The following APPL1 variants were observed in gnomAD, a reference collection of about 807,000 sequenced individuals.
APPL1 encodes the protein DCC-interacting protein 13-alpha.
Under a neutral mutation model 106.8 loss-of-function variants are expected in APPL1, and 42 were observed. The ratio of observed to expected loss-of-function variants is 0.39; its 90% CI spans 0.31 to 0.51. APPL1 has a LOEUF of 0.51. APPL1 is among the 20% of genes least tolerant of loss of function. The pLI is 0.75. For missense variants in APPL1, 769 were observed against 858.2 expected, an observed-to-expected ratio of 0.90 and a Z score of 1.30; for synonymous variants, 263 against 281.8, an observed-to-expected ratio of 0.93 and a Z score of 0.67.
At chr3:57,265,656 T>C (rs904382109) in intron 19 of APPL1, among the ~76,000 whole-genome samples, 1 of 152,060 alleles carries the variant, frequency 6.6e-6, no homozygotes, top group African/African-American at 2.4e-5. Flanking sequence ...TTTGGTGGAG[T>C]CTAGGTTTTT....
chr3:57,240,583 T>TGA, intron 5 of APPL1, 31 bp downstream of exon 5: 1 of 1,569,082 alleles, frequency 6.4e-7, no homozygotes, highest in Non-Finnish European at 8.8e-7. Context: ...TTTACTTTCA[T>TGA]TGGCTGTGAG....
chr3:57,246,989 TCAA>T (rs2060777317), intron 8 of APPL1, among the ~76,000 whole-genome samples: 1 of 112,048 alleles, frequency 8.9e-6, no homozygotes, highest in Non-Finnish European at 2.0e-5. Context: ...AGACCCTGTC[TCAA>T]AAAAAAAAAA....
In APPL1 at chr3:57,269,503, G is replaced by A. The variant is rs900182556; in HGVS notation, c.1984-38G>A. 4 of 1,607,326 alleles carry A rather than the reference G, an allele frequency of 2.5e-6. No individual in the cohort carries two copies. In the Middle Eastern group the frequency reaches 5.0e-4, roughly 200 times the overall value. On this transcript the variant is annotated intron_variant, in intron 21 of 21. Coordinates refer to ENST00000288266, the MANE Select transcript of APPL1 (RefSeq NM_012096.3). ...CTGCATAATTTGCCATTTGACTGCA[G>A]ACAAGTAACTTAGTTTCTTTTTTGT... is the stretch of plus-strand genomic sequence containing the variant.
intron 1 of APPL1, chr3:57,230,722 C>T (rs1447640207): frequency 2.2e-6 from 1 of 447,972 alleles, no homozygotes; most frequent in South Asian, 1.7e-5. Context: ...AGAATAGAGT[C>T]CAAGAAGCAG....
In APPL1 at chr3:57,253,696, AAAC is replaced by A; in HGVS notation, c.1115_1117del (p.Asn372del). 3 of 1,452,616 alleles carry A rather than the reference AAAC, an allele frequency of 2.1e-6. No individual in the cohort carries two copies. Among genetic ancestry groups the A allele is most frequent in the Non-Finnish European group, 2.7e-6 (3 of 1,094,602 alleles). 90.0% of individuals were successfully genotyped at this position (1,452,616 alleles called of 1,614,324 possible). A position where few individuals can be genotyped will look rare whatever the true frequency, so the allele number is the denominator to read the frequency against. On this transcript the variant is annotated inframe_deletion, in exon 13 of 22. Coordinates refer to ENST00000288266, the MANE Select transcript of APPL1 (RefSeq NM_012096.3). ...TCCTCTTGCAGTGGATCTGTACAAT[AAAC>A]AACATATCTAAACAAATATACTTAA...
intron 8 of APPL1, 111 bp from the exon 9 acceptor site, chr3:57,247,284 C>G: frequency 4.9e-6 from 3 of 615,116 alleles, no homozygotes; most frequent in Non-Finnish European, 5.7e-6. Flanking sequence ...TGGGAATATT[C>G]CTTTGTTTTT....
chr3:57,232,717 C>T (rs1297551028), intron 1 of APPL1, among the ~76,000 whole-genome samples: 1 of 152,016 alleles, frequency 6.6e-6, no homozygotes, highest in Admixed American at 6.6e-5. Flanking sequence ...AAAAGTGGTT[C>T]ATGGGCCCGG....
At position 57,260,186 on chromosome 3, in the gene APPL1, G is replaced by C. The variant is rs748597958; in HGVS notation, c.1695+33G>C. 2.5e-6 allele frequency: 4 copies of C among 1,591,588 alleles called. No homozygotes were observed. The South Asian group carries it at 4.6e-5, about 18-fold the overall frequency. On this transcript the variant is annotated intron_variant, in intron 18 of 21. Transcript: ENST00000288266. ...CCACATGATTTAAGCTTTGTTTTAG[G>C]TCCCTTTGTATATATACACATCTTA... is the stretch of plus-strand genomic sequence containing the variant.
At chr3:57,239,645 G>A (rs1360791807) in intron 4 of APPL1, among the ~76,000 whole-genome samples, 1 of 151,332 alleles carries the variant, frequency 6.6e-6, no homozygotes, top group Non-Finnish European at 1.5e-5. Context: ...TGTTTTTTTT[G>A]TTTTGAACAA....
intron 14 of APPL1, 45 bp from the exon 15 acceptor site, chr3:57,257,201 C>T (rs1357499197): frequency 1.9e-6 from 3 of 1,576,974 alleles, no homozygotes; most frequent in Non-Finnish European, 1.7e-6. Flanking sequence ...TATTTAATAT[C>T]CAAAAGGGAA....
chr3:57,252,330 C>T lies in APPL1; in HGVS notation c.1095+19C>T. 1 of 1,539,602 alleles carries T rather than the reference C, an allele frequency of 6.5e-7. No homozygotes were observed. Among genetic ancestry groups the T allele is most frequent in the Non-Finnish European group, 8.9e-7 (1 of 1,123,362 alleles). On this transcript the variant is annotated intron_variant, in intron 12 of 21. Coordinates refer to ENST00000288266, the MANE Select transcript of APPL1 (RefSeq NM_012096.3). ...TGAAGAGGTAAGATTTTACCTAGTT[C>T]ATTTCTTCATTGACATTTTAAAATA...
At chr3:57,269,380 GTTGTA>G (rs1205827245) in intron 21 of APPL1, 156 bp from the exon 22 acceptor site, 4 of 606,210 alleles carry the variant, frequency 6.6e-6, no homozygotes, top group Non-Finnish European at 1.1e-5. Flanking sequence ...TCATTTTGGT[GTTGTA>G]TTGTTTGGGT....
At chr3:57,241,245 G>T (rs1236472998) in intron 5 of APPL1, among the ~76,000 whole-genome samples, 1 of 152,164 alleles carries the variant, frequency 6.6e-6, no homozygotes, top group East Asian at 1.9e-4. Flanking sequence ...ACCAAGGCCT[G>T]AGTTAGGATA....
At chr3:57,235,777 G>A in intron 2 of APPL1, 113 bp downstream of exon 2, 2 of 643,526 alleles carry the variant, frequency 3.1e-6, no homozygotes, top group Non-Finnish European at 2.7e-6. Context: ...TAGGCTCATA[G>A]TAATAAATAT....
chr3:57,273,377 G>A lies in APPL1; in HGVS notation c.*3690G>A, dbSNP rs2060960346. 6.6e-6 allele frequency: 1 copy of A among 152,464 alleles called. No homozygotes were observed. The highest frequency in any genetic ancestry group is 1.5e-5 in the Non-Finnish European group (1 of 67,992). The allele number at this position is 152,464 out of a possible 1,614,324, so 9.4% of individuals were successfully genotyped here. A position where few individuals can be genotyped will look rare whatever the true frequency, so the allele number is the denominator to read the frequency against. On this transcript the variant is annotated 3_prime_UTR_variant, in exon 22 of 22. Coordinates refer to ENST00000288266, the MANE Select transcript of APPL1 (RefSeq NM_012096.3). ...CTTATTTTTTCATTTTGTCACAATA[G>A]GTATATACTGACAAGGCTTCAGGAA...
chr3:57,239,858 T>C (rs936127829), intron 4 of APPL1, among the ~76,000 whole-genome samples: 1 of 152,158 alleles, frequency 6.6e-6, no homozygotes, highest in African/African-American at 2.4e-5. Flanking sequence ...TTTTAGTTTG[T>C]GTGTATTTAA....
At chr3:57,232,987 G>A (rs1226298805) in intron 1 of APPL1, among the ~76,000 whole-genome samples, 1 of 152,024 alleles carries the variant, frequency 6.6e-6, no homozygotes, top group Admixed American at 6.6e-5. Flanking sequence ...GGGCGACACA[G>A]TGAGACTCTG....
In APPL1 at chr3:57,273,427, T is replaced by G. The variant is rs1470895659; in HGVS notation, c.*3740T>G. Reference sequence around the variant, plus strand: ...AAAAAGTTGTTAGAAGATTTTTTAATGTATAATAAAGTCCATGATTTTTGT... The same window carrying G: ...AAAAAGTTGTTAGAAGATTTTTTAAGGTATAATAAAGTCCATGATTTTTGT... On this transcript the variant is annotated 3_prime_UTR_variant, in exon 22 of 22. Transcript: ENST00000288266. 6.6e-6 allele frequency: 1 copy of G among 152,632 alleles called. No individual in the cohort carries two copies. The highest frequency in any genetic ancestry group is 2.4e-5 in the African/African-American group (1 of 41,458). 9.5% of individuals were successfully genotyped at this position (152,632 alleles called of 1,614,324 possible).
At chr3:57,235,808 C>A in intron 2 of APPL1, 144 bp downstream of exon 2, 1 of 559,006 alleles carries the variant, frequency 1.8e-6, no homozygotes, top group Non-Finnish European at 3.3e-6. Context: ...GATTAATGAA[C>A]ATTGAGTGTA....
Sources: allele counts gnomAD v4.1 joint callset (sites outside exome capture counted in the v4.1 genomes callset), GRCh38; gene constraint gnomAD v4.1.1; transcripts MANE v1.5; gene names NCBI Gene and HGNC (gene_info 2026-07-23, HGNC 2026-07-21).